Variants in PAX2 observed in about 807,000 individuals in gnomAD.
The protein encoded by PAX2 is paired box protein Pax-2.
PAX2 carries 9 observed loss-of-function variants against 41.7 expected under a neutral mutation model. The observed-to-expected ratio is 0.22, with a 90% CI of 0.13 to 0.38. PAX2 has a LOEUF of 0.38. Among genes scored for constraint, PAX2 ranks in the 10% least tolerant of loss-of-function variants. PAX2 has a pLI of 1.00. For synonymous variants in PAX2, 221 were observed against 212.7 expected, an observed-to-expected ratio of 1.04 and a Z score of -0.34; for missense variants, 418 against 531.6, an observed-to-expected ratio of 0.79 and a Z score of 2.10.
chr10:100,744,469 C>T (rs1192991317), upstream of PAX2, among the ~76,000 whole-genome samples: 1 of 152,236 alleles, frequency 6.6e-6, no homozygotes, highest in African/African-American at 2.4e-5. Flanking sequence ...TGCGTGCGAG[C>T]GGACCCCAGC....
chr10:100,818,038 T>C (rs1848247333), intron 7 of PAX2, among the ~76,000 whole-genome samples: 1 of 152,248 alleles, frequency 6.6e-6, no homozygotes. Context: ...CTATGTCAAA[T>C]GCAGGCATAG....
intron 3 of PAX2, among the ~76,000 whole-genome samples, chr10:100,756,016 G>A (rs1041735892): frequency 6.6e-6 from 1 of 152,154 alleles, no homozygotes; most frequent in East Asian, 1.9e-4. Context: ...GAGGTGGTAG[G>A]GAACATGTGT....
chr10:100,810,024 A>T (rs1239926055), intron 7 of PAX2, among the ~76,000 whole-genome samples: 4 of 152,242 alleles, frequency 2.6e-5, no homozygotes, highest in South Asian at 4.1e-4. Flanking sequence ...ACACGCATTG[A>T]GGTGTTATTA....
At chr10:100,763,987 A>T (rs1222739941) in intron 3 of PAX2, among the ~76,000 whole-genome samples, 1 of 152,198 alleles carries the variant, frequency 6.6e-6, no homozygotes, top group African/African-American at 2.4e-5. Context: ...GAGTCCACAT[A>T]AACCAGCTTA....
upstream of PAX2, among the ~76,000 whole-genome samples, chr10:100,741,107 G>T (rs1844935896): frequency 6.6e-6 from 1 of 152,156 alleles, no homozygotes; most frequent in South Asian, 2.1e-4. Flanking sequence ...GGGGAAGCTA[G>T]ATTAAAGGGG....
intron 3 of PAX2, among the ~76,000 whole-genome samples, chr10:100,751,589 C>T (rs1845445577): frequency 6.6e-6 from 1 of 152,232 alleles, no homozygotes; most frequent in Non-Finnish European, 1.5e-5. Context: ...GCACTGATGA[C>T]AGGCTCACAC....
At chr10:100,764,771 T>A (rs1351016202) in intron 3 of PAX2, among the ~76,000 whole-genome samples, 2 of 152,186 alleles carry the variant, frequency 1.3e-5, no homozygotes, top group African/African-American at 4.8e-5. Flanking sequence ...TGGCATTTTC[T>A]AGGCTTCATG....
rs1293986717 is a variant in PAX2, at chr10:100,776,598, G to A, written c.411-2900G>A. On this transcript the variant is annotated intron_variant, in intron 3 of 9. Transcript: ENST00000355243. ...TTGTCTTTTAAACACTCCTTTCCCC[G>A]GTCCCTGACAGTCTCCTAAATCCAT... is the stretch of plus-strand genomic sequence containing the variant. Among the ~76,000 whole-genome samples the A allele has an allele frequency of 4.6e-5, 7 of 151,984 alleles. No homozygotes were observed. In the East Asian group the frequency reaches 5.8e-4, roughly 13 times the overall value.
At chr10:100,756,020 CAT>C (rs1339206249) in intron 3 of PAX2, among the ~76,000 whole-genome samples, 1 of 152,112 alleles carries the variant, frequency 6.6e-6, no homozygotes, top group Admixed American at 6.5e-5. Context: ...TGGTAGGGAA[CAT>C]GTGTTTTGGA....
At chr10:100,764,408 C>G (rs569952395) in intron 3 of PAX2, among the ~76,000 whole-genome samples, 2 of 152,174 alleles carry the variant, frequency 1.3e-5, no homozygotes, top group East Asian at 3.9e-4. Context: ...TCCCAAAGTG[C>G]TGGGATTACA....
intron 4 of PAX2, among the ~76,000 whole-genome samples, chr10:100,780,893 G>A (rs1846594955): frequency 6.6e-6 from 1 of 152,236 alleles, no homozygotes; most frequent in Non-Finnish European, 1.5e-5. Flanking sequence ...GGACCATGGA[G>A]GTGCTGCCTA....
At chr10:100,775,640 G>C (rs893211063) in intron 3 of PAX2, among the ~76,000 whole-genome samples, 2 of 152,128 alleles carry the variant, frequency 1.3e-5, no homozygotes, top group Non-Finnish European at 2.9e-5. Flanking sequence ...CCTCAAGCCC[G>C]TCCAGTTCTC....
intron 5 of PAX2, among the ~76,000 whole-genome samples, chr10:100,792,024 C>T (rs560839438): frequency 3.3e-5 from 5 of 152,192 alleles, no homozygotes; most frequent in Non-Finnish European, 5.9e-5. Context: ...GCTTTTTCTT[C>T]GGATGCTGGG....
Position 100,748,417 on chromosome 10 carries a change from T to C in PAX2, c.44-1329T>C, listed in dbSNP as rs1281347090. On this transcript the variant is annotated intron_variant, in intron 1 of 9. Coordinates refer to ENST00000355243, the MANE Select transcript of PAX2 (RefSeq NM_000278.5). The surrounding 1 kb of genome is among the most constrained non-coding windows in gnomAD (Gnocchi z 5.0). ...TTCCCCAGGGTTTCACCGAGCTTGCTCTAGGTACCCCCCGAGAAAGGGAGG... is the reference window on the plus strand; with the variant it reads ...TTCCCCAGGGTTTCACCGAGCTTGCCCTAGGTACCCCCCGAGAAAGGGAGG... 1.0e-6 allele frequency: 1 copy of C among 984,660 alleles called. No individual in the cohort carries two copies. The highest frequency in any genetic ancestry group is 1.1e-4 in the East Asian group (1 of 8,768). The allele number at this position is 984,660 out of a possible 1,614,324, so 61.0% of individuals were successfully genotyped here.
chr10:100,827,629 G>T lies in PAX2; in HGVS notation c.*10G>T. 1 of 1,613,968 alleles carries T rather than the reference G, an allele frequency of 6.2e-7. No individual in the cohort carries two copies. The highest frequency in any genetic ancestry group is 8.5e-7 in the Non-Finnish European group (1 of 1,179,936). On this transcript the variant is annotated 3_prime_UTR_variant, in exon 10 of 10. Coordinates refer to ENST00000355243, the MANE Select transcript of PAX2 (RefSeq NM_000278.5). This position sits in a 1 kb window ranked among gnomAD's most constrained non-coding sequence, Gnocchi z 8.5. ...CTATGACCGCCACTAGTTACCGCGG[G>T]GACCACATCAAGCTTCAGGCCGACA...
chr10:100,797,997 G>A lies in PAX2; in HGVS notation c.617-8433G>A, dbSNP rs75228940. ...ACTGAGTGTTTAGAAGCTAGGCTTGGTCAAGTACAGCAGGTAGTTTCCCAG... is the reference window on the plus strand; with the variant it reads ...ACTGAGTGTTTAGAAGCTAGGCTTGATCAAGTACAGCAGGTAGTTTCCCAG... On this transcript the variant is annotated intron_variant, in intron 5 of 9. Transcript: ENST00000355243. Among the ~76,000 whole-genome samples the A allele has an allele frequency of 6.3e-3, 954 of 152,100 alleles. 14 individuals are homozygous for A. Among genetic ancestry groups the A allele is most frequent in the African/African-American group, 0.022 (913 of 41,474 alleles).
chr10:100,751,125 T>G (rs540050773), intron 3 of PAX2, among the ~76,000 whole-genome samples: 1 of 152,278 alleles, frequency 6.6e-6, no homozygotes, highest in South Asian at 2.1e-4. Context: ...CCCGCCGGCG[T>G]CCTGGAAATG....
At position 100,759,403 on chromosome 10, in the gene PAX2, CGGCAGGCTGTGA is replaced by C. The variant is rs1564711901; in HGVS notation, c.410+8520_410+8531del. Among the ~76,000 whole-genome samples, 4 of 152,328 alleles carry C rather than the reference CGGCAGGCTGTGA, an allele frequency of 2.6e-5. No individual in the cohort carries two copies. In the South Asian group the frequency reaches 8.3e-4, roughly 32 times the overall value. ...GCAATGGTCTGGCTGTGGCCCCTCT[CGGCAGGCTGTGA>C]GGCAGGCCAGCAGTGGCTCCAGCCT... On this transcript the variant is annotated intron_variant, in intron 3 of 9. Coordinates refer to ENST00000355243, the MANE Select transcript of PAX2 (RefSeq NM_000278.5).
intron 5 of PAX2, among the ~76,000 whole-genome samples, chr10:100,796,868 A>G (rs141639230): frequency 6.6e-6 from 1 of 152,150 alleles, no homozygotes; most frequent in Non-Finnish European, 1.5e-5. Context: ...TCCCATTCTT[A>G]TGACGACTAG....
Sources: allele counts gnomAD v4.1 joint callset (sites outside exome capture counted in the v4.1 genomes callset), GRCh38; gene constraint gnomAD v4.1.1; non-coding constraint Gnocchi (gnomAD v3.1); transcripts MANE v1.5; gene names NCBI Gene and HGNC (gene_info 2026-07-23, HGNC 2026-07-21).